Variants in BRD2 observed in about 807,000 individuals in gnomAD.
BRD2 encodes the protein bromodomain containing 2.
BRD2 carries 15 observed loss-of-function variants against 79.1 expected under a neutral mutation model. The ratio of observed to expected loss-of-function variants is 0.19; its 90% CI spans 0.13 to 0.29. BRD2 has a LOEUF of 0.29. Among genes scored for constraint, BRD2 ranks in the 10% least tolerant of loss-of-function variants. The pLI, the probability that BRD2 is intolerant of heterozygous loss-of-function variation, is 1.00. For synonymous variants in BRD2, 488 were observed against 358.6 expected (o/e 1.36, Z -4.08); for missense variants, 1,053 against 991.3 (o/e 1.06, Z -0.84).
In BRD2 at chr6:32,978,741, A is replaced by C. The variant is rs546224510; in HGVS notation, c.1841+353A>C. ...GCTGATGTGACAGGCAGTGATGCCC[A>C]CATGCCGGCTGTTCACCTCCTGCGT... is the stretch of plus-strand genomic sequence containing the variant. On this transcript the variant is annotated intron_variant, in intron 10 of 12. Transcript: ENST00000374825. The C allele has an allele frequency of 2.7e-3, 835 of 310,428 alleles. 7 individuals are homozygous for C. The highest frequency in any genetic ancestry group is 0.013 in the Middle Eastern group (15 of 1,112). The allele number at this position is 310,428 out of a possible 1,614,324, so 19.2% of individuals were successfully genotyped here. A position where few individuals can be genotyped will look rare whatever the true frequency, so the allele number is the denominator to read the frequency against.
Position 32,971,621 on chromosome 6 carries a change from C to G in BRD2, c.-1278C>G, listed in dbSNP as rs201226550. The G allele has an allele frequency of 6.9e-5, 31 of 448,672 alleles. No homozygotes were observed. The highest frequency in any genetic ancestry group is 1.1e-4 in the Non-Finnish European group (29 of 254,096). The allele number at this position is 448,672 out of a possible 1,614,324, so 27.8% of individuals were successfully genotyped here. ...TTCTTCGCTGCTGCTGCCTTACCGC[C>G]GAGAACCACCACCCGCCAGGCGTCT... On this transcript the variant is annotated 5_prime_UTR_variant, in exon 2 of 13. Coordinates refer to ENST00000374825, the MANE Select transcript of BRD2 (RefSeq NM_005104.4).
At chr6:32,974,260 T>G (rs1196371775) in intron 2 of BRD2, among the ~76,000 whole-genome samples, 2 of 152,184 alleles carry the variant, frequency 1.3e-5, no homozygotes, top group African/African-American at 4.8e-5. Flanking sequence ...CTAGATAGTA[T>G]ACTAAAAATA....
Position 32,974,696 on chromosome 6 carries a change from G to A in BRD2, c.264G>A (p.Lys88=). The A allele has an allele frequency of 7.4e-6, 12 of 1,614,214 alleles. No individual in the cohort carries two copies. Among genetic ancestry groups the A allele is most frequent in the Non-Finnish European group, 1.0e-5 (12 of 1,180,052 alleles). The change falls in exon 3 of 13, where the codon AAG becomes AAA. Residue 88 remains lysine (K), a synonymous_variant. Transcript: ENST00000374825. ...QLQYLHKVVM[K]ALWKHQFAWP... ...AATACCTACACAAGGTAGTGATGAA[G>A]GCTCTGTGGAAACATCAGTTCGCAT... is the stretch of plus-strand genomic sequence containing the variant.
At chr6:32,973,413 G>A (rs1399695353) in intron 2 of BRD2, among the ~76,000 whole-genome samples, 1 of 152,090 alleles carries the variant, frequency 6.6e-6, no homozygotes, top group Non-Finnish European at 1.5e-5. Flanking sequence ...AATGCCCAGG[G>A]TATGTCATTA....
At position 32,971,925 on chromosome 6, in the gene BRD2, G is replaced by A. The variant is rs1374195193; in HGVS notation, c.-974G>A. The A allele has an allele frequency of 1.4e-5, 10 of 702,710 alleles. No homozygotes were observed. Among genetic ancestry groups the A allele is most frequent in the Non-Finnish European group, 2.3e-5 (9 of 384,924 alleles). The allele number at this position is 702,710 out of a possible 1,614,324, so 43.5% of individuals were successfully genotyped here. On this transcript the variant is annotated 5_prime_UTR_variant, in exon 2 of 13. Coordinates refer to ENST00000374825, the MANE Select transcript of BRD2 (RefSeq NM_005104.4). ...CAGCCAATTGGCTTGGAGATGTGGC[G>A]GGTTGCCACTTCCCTGTGGGTCTCT...
chr6:32,969,213 G>C (rs1206142868), intron 1 of BRD2, 157 bp downstream of exon 1: 1 of 388,790 alleles, frequency 2.6e-6, no homozygotes, highest in Non-Finnish European at 5.2e-6. Flanking sequence ...TGGAGGGGGG[G>C]CGAGCGGGAG....
rs1005251630 is a variant in BRD2 at position 32,972,103 on chromosome 6, G to T, written c.-796G>T. 7 of 693,122 alleles carry T rather than the reference G, an allele frequency of 1.0e-5. No homozygotes were observed. The highest frequency in any genetic ancestry group is 2.7e-5 in the East Asian group (1 of 36,828). The allele number at this position is 693,122 out of a possible 1,614,324, so 42.9% of individuals were successfully genotyped here. ...GCGTGAGCGAGCGCGCGCGCGCGGA[G>T]GGGGTGGGGAAAAGCTCAAGCAGGG... On this transcript the variant is annotated 5_prime_UTR_variant, in exon 2 of 13. The change creates a new upstream start codon in the 5' untranslated region. Transcript: ENST00000374825.
intron 2 of BRD2, among the ~76,000 whole-genome samples, chr6:32,973,963 TTCTA>T (rs1778374955): frequency 6.6e-6 from 1 of 152,224 alleles, no homozygotes; most frequent in Non-Finnish European, 1.5e-5. Flanking sequence ...GTGCTCTCTC[TTCTA>T]TCTAGGTGGA....
chr6:32,979,553 C>A, intron 10 of BRD2: 1 of 439,316 alleles, frequency 2.3e-6, no homozygotes, highest in Non-Finnish European at 4.0e-6. Context: ...ACAGTTTTTC[C>A]AACATGTTTG....
chr6:32,973,677 C>T (rs1434656977), intron 2 of BRD2, among the ~76,000 whole-genome samples: 1 of 152,004 alleles, frequency 6.6e-6, no homozygotes, highest in Non-Finnish European at 1.5e-5. Flanking sequence ...GTTGGTGCTA[C>T]AGGGGGAACT....
In BRD2 at chr6:32,972,679, C is replaced by T. The variant is rs1778173471; in HGVS notation, c.-220C>T. 6.2e-6 allele frequency: 4 copies of T among 640,086 alleles called. No individual in the cohort carries two copies. Among genetic ancestry groups the T allele is most frequent in the East Asian group, 2.7e-5 (1 of 36,438 alleles). 39.7% of individuals were successfully genotyped at this position (640,086 alleles called of 1,614,324 possible). On this transcript the variant is annotated 5_prime_UTR_variant, in exon 2 of 13. Transcript: ENST00000374825. Reference sequence around the variant, plus strand: ...AGCTGAGGCCGCCGCCATTTTCTTGCTGTCCGCCGTCTGCAGAGCGCGCCA... The same window carrying T: ...AGCTGAGGCCGCCGCCATTTTCTTGTTGTCCGCCGTCTGCAGAGCGCGCCA...
Position 32,972,217 on chromosome 6 carries a change from G to C in BRD2, c.-682G>C. ...GGCGGCGCCATTTCGTGCTGGAGTG[G>C]AGCAGCCTCTAGAACGAGCTGGAGG... is the stretch of plus-strand genomic sequence containing the variant. On this transcript the variant is annotated 5_prime_UTR_variant, in exon 2 of 13. Coordinates refer to ENST00000374825, the MANE Select transcript of BRD2 (RefSeq NM_005104.4). 1 of 524,458 alleles carries C rather than the reference G, an allele frequency of 1.9e-6. No individual in the cohort carries two copies. The highest frequency in any genetic ancestry group is 3.5e-6 in the Non-Finnish European group (1 of 287,204). 32.5% of individuals were successfully genotyped at this position (524,458 alleles called of 1,614,324 possible). A position where few individuals can be genotyped will look rare whatever the true frequency, so the allele number is the denominator to read the frequency against.
chr6:32,971,861 C>G lies in BRD2; in HGVS notation c.-1038C>G, dbSNP rs948697457. On this transcript the variant is annotated 5_prime_UTR_variant, in exon 2 of 13. Coordinates refer to ENST00000374825, the MANE Select transcript of BRD2 (RefSeq NM_005104.4). ...TGGGGCGATGGCTTCCGCACCTCTT[C>G]CAACCACCCTCTTTCCCTGGAGTCG... 60 of 699,298 alleles carry G rather than the reference C, an allele frequency of 8.6e-5. 2 individuals are homozygous for G. The East Asian group carries it at 1.3e-3, about 15-fold the overall frequency. The allele number at this position is 699,298 out of a possible 1,614,324, so 43.3% of individuals were successfully genotyped here.
In BRD2 at chr6:32,972,158, C is replaced by T. The variant is rs1237528348; in HGVS notation, c.-741C>T. On this transcript the variant is annotated 5_prime_UTR_variant, in exon 2 of 13. Transcript: ENST00000374825. ...GCGCATGAGCGGCGAAGCTCCTCCT[C>T]CCCGCCTATATATAAAGGGCTGGCG... 3 of 635,328 alleles carry T rather than the reference C, an allele frequency of 4.7e-6. No homozygotes were observed. Among genetic ancestry groups the T allele is most frequent in the Middle Eastern group, 5.0e-4 (2 of 4,000 alleles). The allele number at this position is 635,328 out of a possible 1,614,324, so 39.4% of individuals were successfully genotyped here.
intron 10 of BRD2, 24 bp downstream of exon 10, chr6:32,978,412 A>G: frequency 1.2e-6 from 2 of 1,603,090 alleles, no homozygotes; most frequent in Non-Finnish European, 1.7e-6. Flanking sequence ...GGAAGCAGAG[A>G]CTAGTTTGGC....
In BRD2 at chr6:32,971,529, C is replaced by T. The variant is rs1582879216; in HGVS notation, c.-1304-66C>T. On this transcript the variant is annotated intron_variant, in intron 1 of 12. Transcript: ENST00000374825. ...GATCCCCTCATCGCCGTTCTGAAGC[C>T]CGTAGCTGTTCGCCATAGAGGAGCA... The T allele has an allele frequency of 9.1e-6, 4 of 440,542 alleles. No individual in the cohort carries two copies. In the East Asian group the frequency reaches 1.4e-4, roughly 16 times the overall value. 27.3% of individuals were successfully genotyped at this position (440,542 alleles called of 1,614,324 possible).
At chr6:32,975,859 G>A (rs1268029440) in intron 4 of BRD2, among the ~76,000 whole-genome samples, 172 bp from the exon 5 acceptor site, 1 of 149,940 alleles carries the variant, frequency 6.7e-6, no homozygotes, top group Non-Finnish European at 1.5e-5. Flanking sequence ...TTAGGAGAAA[G>A]TGGAAATTAG....
intron 10 of BRD2, chr6:32,979,241 C>T (rs1021461414): frequency 1.3e-4 from 21 of 159,634 alleles, no homozygotes; most frequent in African/African-American, 4.4e-4. Flanking sequence ...TAGTGCGCAG[C>T]TAGTTTATGT....
chr6:32,978,534 G>C (rs553285699), intron 10 of BRD2, 146 bp downstream of exon 10: 7 of 1,381,888 alleles, frequency 5.1e-6, no homozygotes, highest in Non-Finnish European at 5.8e-6. Context: ...TTGGCACCAG[G>C]GACCAGTTTC....
Sources: allele counts gnomAD v4.1 joint callset (sites outside exome capture counted in the v4.1 genomes callset), GRCh38; gene constraint gnomAD v4.1.1; transcripts MANE v1.5; gene names NCBI Gene and HGNC (gene_info 2026-07-23, HGNC 2026-07-21).